Variants in ATXN2 observed in about 807,000 individuals in gnomAD.
The protein encoded by ATXN2 is ataxin-2.
ATXN2 carries 37 observed loss-of-function variants against 138.6 expected under a neutral mutation model. The observed-to-expected ratio is 0.27, with a 90% confidence interval of 0.21 to 0.35. ATXN2 has a LOEUF of 0.35. Among genes scored for constraint, ATXN2 ranks in the 10% least tolerant of loss-of-function variants. The pLI is 1.00. For synonymous variants in ATXN2, 549 were observed against 543.7 expected (o/e 1.01, Z -0.13); for missense variants, 1,216 against 1,480.3 (o/e 0.82, Z 2.93).
intron 14 of ATXN2, among the ~76,000 whole-genome samples, chr12:111,497,967 C>T (rs992531341): frequency 6.6e-6 from 1 of 151,756 alleles, no homozygotes; most frequent in Non-Finnish European, 1.5e-5. Flanking sequence ...AGTGAGCCAA[C>T]ATTGCGCCAC....
At chr12:111,565,193 C>CATGT (rs1174304878) in intron 1 of ATXN2, among the ~76,000 whole-genome samples, 2 of 151,864 alleles carry the variant, frequency 1.3e-5, no homozygotes, top group African/African-American at 4.8e-5. Context: ...TACTAGTGTA[C>CATGT]ATGTGATGGC....
rs60742641 is a variant in ATXN2 at position 111,464,249 on chromosome 12, T to G, written c.2896+413A>C. 1.8e-3 allele frequency among the ~76,000 whole-genome samples: 248 copies of G among 135,222 alleles called. 1 individual carries two copies. Among genetic ancestry groups the G allele is most frequent in the South Asian group, 2.6e-3 (11 of 4,220 alleles). 88.7% of individuals were successfully genotyped at this position (135,222 alleles called of 152,430 possible). On this transcript the variant is annotated intron_variant, in intron 21 of 24. Transcript: ENST00000673436. Reference sequence around the variant, plus strand: ...TTTATACCAAGCTTGTGGCTTGGGGTGTGTGTGTGTGTGTGTGTGTGTGTG... The same window carrying G: ...TTTATACCAAGCTTGTGGCTTGGGGGGTGTGTGTGTGTGTGTGTGTGTGTG...
intron 5 of ATXN2, among the ~76,000 whole-genome samples, chr12:111,539,571 C>G (rs1182290463): frequency 6.7e-6 from 1 of 149,786 alleles, no homozygotes; most frequent in Non-Finnish European, 1.5e-5. Flanking sequence ...CACGGTGAAA[C>G]CCCGTCTCTA....
At chr12:111,473,181 G>A (rs900271629) in intron 18 of ATXN2, among the ~76,000 whole-genome samples, 1 of 151,982 alleles carries the variant, frequency 6.6e-6, no homozygotes, top group East Asian at 1.9e-4. Flanking sequence ...GGCTGAGGTG[G>A]GGGGATTGCC....
intron 1 of ATXN2, among the ~76,000 whole-genome samples, chr12:111,593,557 C>G (rs1884785926): frequency 6.6e-6 from 1 of 151,368 alleles, no homozygotes; most frequent in Non-Finnish European, 1.5e-5. Flanking sequence ...CCCATGTTTT[C>G]ACTGTTTCAG....
intron 5 of ATXN2, among the ~76,000 whole-genome samples, chr12:111,531,826 T>G (rs1378415848): frequency 6.6e-6 from 1 of 152,176 alleles, no homozygotes; most frequent in Non-Finnish European, 1.5e-5. Flanking sequence ...TCTTAATCCA[T>G]GGGCCCCTTC....
intron 1 of ATXN2, among the ~76,000 whole-genome samples, chr12:111,581,955 A>G (rs931791767): frequency 5.3e-5 from 8 of 152,068 alleles, no homozygotes; most frequent in Non-Finnish European, 1.0e-4. Context: ...TTTAAAAAAA[A>G]AAAAAAAACA....
chr12:111,519,646 G>C (rs1172609602), intron 8 of ATXN2, among the ~76,000 whole-genome samples: 1 of 152,096 alleles, frequency 6.6e-6, no homozygotes, highest in Non-Finnish European at 1.5e-5. Flanking sequence ...AGCTCTTCAA[G>C]ATCTTGGATT....
At chr12:111,530,695 T>C (rs1277730560) in intron 5 of ATXN2, among the ~76,000 whole-genome samples, 1 of 152,178 alleles carries the variant, frequency 6.6e-6, no homozygotes, top group African/African-American at 2.4e-5. Context: ...GCGCCTGTAA[T>C]CCCAGCTACT....
chr12:111,554,015 T>A, intron 3 of ATXN2, 143 bp downstream of exon 3: 1 of 613,340 alleles, frequency 1.6e-6, no homozygotes, highest in Non-Finnish European at 2.7e-6. Flanking sequence ...ATAAAAGGAG[T>A]TCTAATCTAT....
At chr12:111,559,033 C>T (rs370452790) in intron 1 of ATXN2, among the ~76,000 whole-genome samples, 18 of 150,582 alleles carry the variant, frequency 1.2e-4, no homozygotes, top group East Asian at 3.9e-4. Context: ...TACCAGTTTA[C>T]GAGAAACATT....
At chr12:111,502,459 C>T (rs948488141) in intron 14 of ATXN2, among the ~76,000 whole-genome samples, 8 of 151,664 alleles carry the variant, frequency 5.3e-5, no homozygotes, top group Admixed American at 2.6e-4. Flanking sequence ...GACGGAGTTT[C>T]GCTCTTATTG....
chr12:111,592,788 A>AAAAAAAAAAAAAAAAAAAAAAAAAAAG, intron 1 of ATXN2, among the ~76,000 whole-genome samples: 1 of 139,112 alleles, frequency 7.2e-6, no homozygotes, highest in Non-Finnish European at 1.5e-5. Flanking sequence ...GTCTCAAAAA[A>AAAAAAAAAAAAAAAAAAAAAAAAAAAG]AAAAAAAAAA....
At position 111,520,013 on chromosome 12, in the gene ATXN2, T is replaced by C; in HGVS notation, c.852A>G (p.Leu284=). 1 of 1,614,168 alleles carries C rather than the reference T, an allele frequency of 6.2e-7. No individual in the cohort carries two copies. The change falls in exon 8 of 25, where the codon TTA becomes TTG. Residue 284 remains leucine, a synonymous_variant. Coordinates refer to ENST00000673436, the MANE Select transcript of ATXN2 (RefSeq NM_001372574.1). ...GGGCACTTGACTCAATTTCTTCTGC[T>C]AACTGGTTTGCCCTTGCTTCCCGTT... The part of the protein sequence containing the change: ...FLKREARANQ[L]AEEIESSAQY...
intron 14 of ATXN2, among the ~76,000 whole-genome samples, chr12:111,506,797 G>A (rs1249988823): frequency 6.6e-6 from 1 of 152,182 alleles, no homozygotes; most frequent in Non-Finnish European, 1.5e-5. Context: ...CCTAGTGCCT[G>A]TGATTGCAGG....
intron 21 of ATXN2, among the ~76,000 whole-genome samples, chr12:111,460,574 GTTT>G (rs1240587652): frequency 6.6e-6 from 1 of 151,304 alleles, no homozygotes; most frequent in Admixed American, 6.6e-5. Flanking sequence ...AATCTCAGAG[GTTT>G]TTGTTTTTTT....
chr12:111,583,822 T>G (rs1884164439), intron 1 of ATXN2, among the ~76,000 whole-genome samples: 1 of 143,240 alleles, frequency 7.0e-6, no homozygotes, highest in African/African-American at 2.6e-5. Context: ...TAGACTGGAG[T>G]TGCCAGATAA....
At chr12:111,532,442 T>G (rs1880888419) in intron 5 of ATXN2, among the ~76,000 whole-genome samples, 1 of 152,176 alleles carries the variant, frequency 6.6e-6, no homozygotes. Flanking sequence ...ACTGCACCAC[T>G]GCACTCAGCC....
At chr12:111,479,390 TAAAAAAAAAAA>T (rs33967202) in intron 18 of ATXN2, among the ~76,000 whole-genome samples, 32 of 49,864 alleles carry the variant, frequency 6.4e-4, no homozygotes, top group African/African-American at 1.9e-3. Flanking sequence ...CCGTCTCTGC[TAAAAAAAAAAA>T]AAAAAAAAAA....
Sources: allele counts gnomAD v4.1 joint callset (sites outside exome capture counted in the v4.1 genomes callset), GRCh38; gene constraint gnomAD v4.1.1; transcripts MANE v1.5; gene names NCBI Gene and HGNC (gene_info 2026-07-23, HGNC 2026-07-21).